MBOAT1: variants seen among roughly 807,000 people sequenced by gnomAD.
MBOAT1 encodes membrane-bound glycerophospholipid O-acyltransferase 1.
In MBOAT1, 67 loss-of-function variants were observed where a neutral mutation model predicts 64.4. The observed-to-expected ratio is 1.04, with a 90% confidence interval of 0.85 to 1.27. The LOEUF (loss-of-function observed/expected upper bound fraction) is 1.27. Ranked by LOEUF, MBOAT1 falls within the 50% of genes most tolerant of loss-of-function variation. The pLI, the probability that MBOAT1 is intolerant of heterozygous loss-of-function variation, is 0.00. For missense variants in MBOAT1, 563 were observed against 604.6 expected (o/e 0.93, Z 0.72); for synonymous variants, 229 against 218.9 (o/e 1.05, Z -0.41).
intron 1 of MBOAT1, among the ~76,000 whole-genome samples, chr6:20,160,114 C>T (rs1761807359): frequency 2.0e-5 from 3 of 152,216 alleles, no homozygotes; most frequent in Non-Finnish European, 4.4e-5. Flanking sequence ...AGAAATAAAA[C>T]ACATGCCCAA....
intron 11 of MBOAT1, among the ~76,000 whole-genome samples, 153 bp from the exon 12 acceptor site, chr6:20,109,902 CTTTTTTTTTTTT>C (rs1158455991): frequency 2.1e-5 from 2 of 94,118 alleles, no homozygotes; most frequent in East Asian, 3.3e-4. Context: ...ACCATCAGGA[CTTTTTTTTTTTT>C]TTTTTTTTTT....
rs114146961 is a variant in MBOAT1, at chr6:20,112,842, A to G, written c.1209+34T>C. The G allele has an allele frequency of 7.1e-4, 1,132 of 1,597,904 alleles. 8 individuals carry two copies. The African/African-American group carries it at 0.014, about 19-fold the overall frequency. ...ACAAACATGCAGGCATCAGATTACTAAGGGGAAAGACCCTAGGCCTAAAGC... is the reference window on the plus strand; with the variant it reads ...ACAAACATGCAGGCATCAGATTACTGAGGGGAAAGACCCTAGGCCTAAAGC... On this transcript the variant is annotated intron_variant, in intron 11 of 12. Coordinates refer to ENST00000324607, the MANE Select transcript of MBOAT1 (RefSeq NM_001080480.3).
chr6:20,199,512 A>C (rs1413264268), intron 1 of MBOAT1, among the ~76,000 whole-genome samples: 1 of 152,214 alleles, frequency 6.6e-6, no homozygotes, highest in Non-Finnish European at 1.5e-5. Flanking sequence ...AAACAAACAA[A>C]CAAACAAAAA....
At position 20,193,285 on chromosome 6, in the gene MBOAT1, C is replaced by T. The variant is rs192915558; in HGVS notation, c.99+18851G>A. 4.5e-4 allele frequency among the ~76,000 whole-genome samples: 68 copies of T among 150,954 alleles called. 1 individual carries two copies. Among genetic ancestry groups the T allele is most frequent in the African/African-American group, 1.5e-3 (63 of 41,128 alleles). Reference sequence around the variant, plus strand: ...CCTCCCAGAGTGCTGGGATTACAGGCGTGAGCCACCGCGCCCGGCCTATAA... The same window carrying T: ...CCTCCCAGAGTGCTGGGATTACAGGTGTGAGCCACCGCGCCCGGCCTATAA... On this transcript the variant is annotated intron_variant, in intron 1 of 12. Coordinates refer to ENST00000324607, the MANE Select transcript of MBOAT1 (RefSeq NM_001080480.3).
intron 1 of MBOAT1, among the ~76,000 whole-genome samples, chr6:20,205,479 T>C (rs1763235341): frequency 6.6e-6 from 1 of 152,100 alleles, no homozygotes; most frequent in South Asian, 2.1e-4. Flanking sequence ...CCAGGGAATA[T>C]ATGGCCATAC....
chr6:20,167,845 C>A (rs966922621), intron 1 of MBOAT1, among the ~76,000 whole-genome samples: 6 of 152,208 alleles, frequency 3.9e-5, no homozygotes, highest in African/African-American at 1.4e-4. Flanking sequence ...CCTGTCACCA[C>A]ACGAACTGTA....
At position 20,100,266 on chromosome 6, in the gene MBOAT1, C is replaced by T. The variant is rs1759751684; in HGVS notation, c.*2020G>A. Among the ~76,000 whole-genome samples the T allele has an allele frequency of 6.6e-6, 1 of 152,190 alleles. No homozygotes were observed. ...ACTTCACTGTAATATGATTATTCCA[C>T]ATACTCCACACCAATGGTAATATTT... On this transcript the variant is annotated 3_prime_UTR_variant, in exon 13 of 13. Transcript: ENST00000324607.
At chr6:20,194,374 G>A (rs1029470573) in intron 1 of MBOAT1, among the ~76,000 whole-genome samples, 2 of 152,136 alleles carry the variant, frequency 1.3e-5, no homozygotes, top group African/African-American at 4.8e-5. Flanking sequence ...GCATTTACAT[G>A]TCACATCTCC....
chr6:20,138,448 T>C (rs1761067627), intron 4 of MBOAT1, among the ~76,000 whole-genome samples: 1 of 152,214 alleles, frequency 6.6e-6, no homozygotes, highest in Admixed American at 6.5e-5. Context: ...ACTATGTGGC[T>C]GAAAGTGAGG....
intron 1 of MBOAT1, among the ~76,000 whole-genome samples, chr6:20,183,227 GA>G (rs368901984): frequency 0.01 from 1,510 of 150,852 alleles, 19 homozygotes; most frequent in African/African-American, 0.034. Flanking sequence ...GATCTACCTG[GA>G]AAAAAAAATA....
chr6:20,157,109 C>A (rs1465485696), intron 1 of MBOAT1, among the ~76,000 whole-genome samples: 2 of 151,986 alleles, frequency 1.3e-5, no homozygotes, highest in Admixed American at 6.6e-5. Flanking sequence ...ACAGCAAGAA[C>A]CCCATCCACC....
chr6:20,193,780 T>A (rs1398167022), intron 1 of MBOAT1, among the ~76,000 whole-genome samples: 1 of 151,894 alleles, frequency 6.6e-6, no homozygotes, highest in Non-Finnish European at 1.5e-5. Context: ...CTAATTTTTG[T>A]ATTTTTAGTA....
chr6:20,126,918 T>C (rs1439095398), intron 6 of MBOAT1, among the ~76,000 whole-genome samples: 1 of 152,152 alleles, frequency 6.6e-6, no homozygotes, highest in Non-Finnish European at 1.5e-5. Flanking sequence ...CATGCTGCCC[T>C]CTGCTGGCCA....
intron 1 of MBOAT1, among the ~76,000 whole-genome samples, chr6:20,184,701 C>T (rs1335891184): frequency 6.6e-6 from 1 of 152,042 alleles, no homozygotes; most frequent in Non-Finnish European, 1.5e-5. Flanking sequence ...GGAACCCTGC[C>T]ATCATCTTAC....
intron 8 of MBOAT1, among the ~76,000 whole-genome samples, chr6:20,121,806 C>T (rs1760500327): frequency 6.6e-6 from 1 of 151,972 alleles, no homozygotes; most frequent in Non-Finnish European, 1.5e-5. Flanking sequence ...TATTCTCTCT[C>T]TCTCTCTCTG....
chr6:20,166,568 A>G (rs193229794), intron 1 of MBOAT1, among the ~76,000 whole-genome samples: 13 of 152,208 alleles, frequency 8.5e-5, no homozygotes, highest in Admixed American at 7.8e-4. Flanking sequence ...GTTGTTGCAC[A>G]TGTTGTCCTG....
intron 1 of MBOAT1, among the ~76,000 whole-genome samples, chr6:20,191,418 T>C (rs1762797474): frequency 6.6e-6 from 1 of 152,226 alleles, no homozygotes. Context: ...TTTCTCTAGT[T>C]TAACATCCCC....
chr6:20,212,240 AT>A lies in MBOAT1; in HGVS notation c.-7del, dbSNP rs1364022807. 1.2e-6 allele frequency: 2 copies of A among 1,610,226 alleles called. No homozygotes were observed. The highest frequency in any genetic ancestry group is 1.7e-6 in the Non-Finnish European group (2 of 1,179,090). On this transcript the variant is annotated 5_prime_UTR_variant, in exon 1 of 13. The change abolishes an upstream ATG in the 5' untranslated region. Transcript: ENST00000324607. Reference sequence around the variant, plus strand: ...GGCTGCGGCTCTGCTGCCATCCTGCATCTTCGGGAGGTGGCTGCCCCTGTCC... The same window carrying A: ...GGCTGCGGCTCTGCTGCCATCCTGCACTTCGGGAGGTGGCTGCCCCTGTCC...
At chr6:20,111,969 A>G (rs932252890) in intron 11 of MBOAT1, among the ~76,000 whole-genome samples, 12 of 148,632 alleles carry the variant, frequency 8.1e-5, no homozygotes, top group African/African-American at 3.0e-4. Context: ...GTGGTATCCC[A>G]GCGCCTAGAA....
Sources: allele counts gnomAD v4.1 joint callset (sites outside exome capture counted in the v4.1 genomes callset), GRCh38; gene constraint gnomAD v4.1.1; transcripts MANE v1.5; gene names NCBI Gene and HGNC (gene_info 2026-07-23, HGNC 2026-07-21).